Variants in PPP3CA observed in about 807,000 individuals in gnomAD.
PPP3CA encodes CAM-PRP catalytic subunit.
A neutral mutation model predicts 66.5 loss-of-function variants in PPP3CA; 14 were observed. The observed-to-expected ratio is 0.21, with a 90% CI of 0.14 to 0.33. The LOEUF is 0.33. Ranked by LOEUF, PPP3CA falls within the 10% of genes least tolerant of loss-of-function variation. PPP3CA has a pLI of 1.00. For missense variants in PPP3CA, 317 were observed against 639.5 expected (o/e 0.50, Z 5.44); for synonymous variants, 232 against 226.2 (o/e 1.03, Z -0.23).
At chr4:101,206,555 T>G (rs2110200795) in intron 1 of PPP3CA, among the ~76,000 whole-genome samples, 1 of 152,366 alleles carries the variant, frequency 6.6e-6, no homozygotes, top group East Asian at 1.9e-4. Flanking sequence ...GGAATTATAA[T>G]GCCAGTTGCA....
intron 2 of PPP3CA, among the ~76,000 whole-genome samples, chr4:101,124,765 AAG>A (rs1454977767): frequency 1.5e-5 from 2 of 129,348 alleles, no homozygotes; most frequent in African/African-American, 3.3e-5. Context: ...GAAAGAAAGA[AAG>A]AAAGAAAGAA....
intron 1 of PPP3CA, among the ~76,000 whole-genome samples, chr4:101,309,141 A>C (rs934705611): frequency 2.6e-5 from 4 of 152,056 alleles, no homozygotes; most frequent in Non-Finnish European, 5.9e-5. Context: ...CAATAATAAT[A>C]ATCATAATAA....
At chr4:101,342,189 T>C (rs2110342995) in intron 1 of PPP3CA, among the ~76,000 whole-genome samples, 1 of 152,318 alleles carries the variant, frequency 6.6e-6, no homozygotes, top group African/African-American at 2.4e-5. Flanking sequence ...TTCTAGATGT[T>C]AATTTTTTCC....
In PPP3CA at chr4:101,143,946, T is replaced by C. The variant is rs75223331; in HGVS notation, c.260-34868A>G. 2.2e-3 allele frequency among the ~76,000 whole-genome samples: 339 copies of C among 152,316 alleles called. 2 individuals are homozygous for C. Among genetic ancestry groups the C allele is most frequent in the African/African-American group, 7.5e-3 (312 of 41,582 alleles). On this transcript the variant is annotated intron_variant, in intron 2 of 13. Transcript: ENST00000394854. ...ACACATCCTGTCTTGGATGATGGCATCACCATCTATCAAGTCACATAAACC... is the reference window on the plus strand; with the variant it reads ...ACACATCCTGTCTTGGATGATGGCACCACCATCTATCAAGTCACATAAACC...
At position 101,148,017 on chromosome 4, in the gene PPP3CA, A is replaced by G. The variant is rs894668662; in HGVS notation, c.260-38939T>C. ...ACTGGTCTAGGACATATTGTAGACA[A>G]TAACAATTCCCTCTCAAAATGTTTA... On this transcript the variant is annotated intron_variant, in intron 2 of 13. Coordinates refer to ENST00000394854, the MANE Select transcript of PPP3CA (RefSeq NM_000944.5). Among the ~76,000 whole-genome samples, 5 of 152,166 alleles carry G rather than the reference A, an allele frequency of 3.3e-5. No individual in the cohort carries two copies. In the East Asian group the frequency reaches 7.7e-4, roughly 23 times the overall value.
intron 1 of PPP3CA, among the ~76,000 whole-genome samples, chr4:101,248,107 G>C (rs1033629790): frequency 3.3e-5 from 5 of 152,172 alleles, no homozygotes; most frequent in African/African-American, 1.2e-4. Context: ...CTATCTGTTG[G>C]TTGTTGGCAA....
chr4:101,112,380 C>T (rs894529233), intron 2 of PPP3CA, among the ~76,000 whole-genome samples: 2 of 152,038 alleles, frequency 1.3e-5, no homozygotes, highest in African/African-American at 2.4e-5. Flanking sequence ...TGGATTTTGG[C>T]TTGATGATAT....
intron 2 of PPP3CA, among the ~76,000 whole-genome samples, chr4:101,162,644 G>C (rs903961870): frequency 2.6e-5 from 4 of 152,064 alleles, no homozygotes; most frequent in African/African-American, 9.7e-5. Context: ...GACCCCCTGT[G>C]CAACATTTGA....
intron 1 of PPP3CA, among the ~76,000 whole-genome samples, chr4:101,298,714 A>T (rs940737320): frequency 1.3e-5 from 2 of 152,182 alleles, no homozygotes; most frequent in Non-Finnish European, 2.9e-5. Context: ...ACTTTATGTT[A>T]TCCATCAGGC....
At chr4:101,036,023 G>C (rs1268516430) in intron 11 of PPP3CA, among the ~76,000 whole-genome samples, 2 of 152,134 alleles carry the variant, frequency 1.3e-5, no homozygotes, top group African/African-American at 4.8e-5. Flanking sequence ...AACCACCTGA[G>C]ACATGACTAG....
In PPP3CA at chr4:101,038,823, C is replaced by T. The variant is rs1237793098; in HGVS notation, c.1241+1659G>A. On this transcript the variant is annotated intron_variant, in intron 11 of 13. Coordinates refer to ENST00000394854, the MANE Select transcript of PPP3CA (RefSeq NM_000944.5). ...CTGGATAGGATCTCTCTATATTCTG[C>T]ATATGTGTTATGGATGCTTTTATTA... 2.0e-5 allele frequency among the ~76,000 whole-genome samples: 3 copies of T among 152,148 alleles called. No homozygotes were observed. In the East Asian group the frequency reaches 5.8e-4, roughly 29 times the overall value.
chr4:101,139,692 T>TTG (rs1212340879), intron 2 of PPP3CA, among the ~76,000 whole-genome samples: 2,121 of 141,310 alleles, frequency 0.015, 55 homozygotes, highest in African/African-American at 0.053. Flanking sequence ...AGGGTTTTTT[T>TTG]TGTGTTTTTT....
chr4:101,129,607 T>C (rs1722362124), intron 2 of PPP3CA, among the ~76,000 whole-genome samples: 1 of 152,100 alleles, frequency 6.6e-6, no homozygotes, highest in Non-Finnish European at 1.5e-5. Context: ...GCAAACAGGG[T>C]CTGGAGTGGA....
chr4:101,220,045 A>T (rs1725574434), intron 1 of PPP3CA, among the ~76,000 whole-genome samples: 1 of 151,822 alleles, frequency 6.6e-6, no homozygotes, highest in South Asian at 2.1e-4. Context: ...TAATCAGAAA[A>T]CTGGAAGAAC....
chr4:101,102,281 G>A (rs1209669849), intron 3 of PPP3CA, among the ~76,000 whole-genome samples: 1 of 151,386 alleles, frequency 6.6e-6, no homozygotes, highest in Non-Finnish European at 1.5e-5. Flanking sequence ...AGGGAGGAAG[G>A]GAGGGAGAGA....
Position 101,308,375 on chromosome 4 carries a change from T to A in PPP3CA, c.58+38364A>T, listed in dbSNP as rs1487694332. 2.0e-5 allele frequency among the ~76,000 whole-genome samples: 3 copies of A among 152,212 alleles called. No individual in the cohort carries two copies. In the East Asian group the frequency reaches 5.8e-4, roughly 29 times the overall value. ...GGTATTACTATCATTCCATACTATA[T>A]ACAATATACTTGGTTACAGTTTTAT... On this transcript the variant is annotated intron_variant, in intron 1 of 13. Coordinates refer to ENST00000394854, the MANE Select transcript of PPP3CA (RefSeq NM_000944.5).
intron 1 of PPP3CA, among the ~76,000 whole-genome samples, chr4:101,314,251 T>A (rs1728814131): frequency 2.0e-5 from 3 of 152,148 alleles, no homozygotes; most frequent in African/African-American, 7.2e-5. Flanking sequence ...AGGAGTAAGT[T>A]CGGCAGATGG....
chr4:101,117,230 T>A (rs1427160173), intron 2 of PPP3CA, among the ~76,000 whole-genome samples: 3 of 151,862 alleles, frequency 2.0e-5, no homozygotes, highest in African/African-American at 7.2e-5. Context: ...CAGTACTAAA[T>A]ACTTCATTCA....
At chr4:101,312,241 A>G (rs1452863344) in intron 1 of PPP3CA, among the ~76,000 whole-genome samples, 1 of 152,190 alleles carries the variant, frequency 6.6e-6, no homozygotes, top group Non-Finnish European at 1.5e-5. Flanking sequence ...GATCATTAAA[A>G]TATATTCAAT....
Sources: allele counts gnomAD v4.1 joint callset (sites outside exome capture counted in the v4.1 genomes callset), GRCh38; gene constraint gnomAD v4.1.1; transcripts MANE v1.5; gene names NCBI Gene and HGNC (gene_info 2026-07-23, HGNC 2026-07-21).